Variants in CCDC77 observed in about 807,000 individuals in gnomAD.
CCDC77 encodes coiled-coil domain containing 77.
A neutral mutation model predicts 66.8 loss-of-function variants in CCDC77; 56 were observed. That is an observed-to-expected ratio of 0.84 (90% CI 0.68 to 1.05). The LOEUF (loss-of-function observed/expected upper bound fraction) is 1.05, where lower values mean the gene tolerates loss of function less well. Ranked by LOEUF, CCDC77 falls within the 50% of genes least tolerant of loss-of-function variation. The pLI is 0.00. For synonymous variants in CCDC77, 196 were observed against 195.2 expected (o/e 1.00, Z -0.03); for missense variants, 570 against 576.8 (o/e 0.99, Z 0.12).
intron 5 of CCDC77, among the ~76,000 whole-genome samples, chr12:425,254 C>G (rs1945506000): frequency 6.9e-6 from 1 of 144,956 alleles, no homozygotes; most frequent in Admixed American, 6.7e-5. Context: ...TTTTGGTGTC[C>G]CACGGTCAAG....
intron 5 of CCDC77, among the ~76,000 whole-genome samples, chr12:424,301 C>A (rs1945489380): frequency 6.6e-6 from 1 of 151,784 alleles, no homozygotes; most frequent in Non-Finnish European, 1.5e-5. Flanking sequence ...GGATATTAAA[C>A]CTTTGTTAGA....
intron 2 of CCDC77, among the ~76,000 whole-genome samples, chr12:407,996 C>T (rs1247163808): frequency 6.6e-6 from 1 of 151,956 alleles, no homozygotes; most frequent in African/African-American, 2.4e-5. Flanking sequence ...ACCGTGTTAG[C>T]CAGGATGGTC....
At chr12:411,498 A>G (rs1449343039) in intron 3 of CCDC77, among the ~76,000 whole-genome samples, 3 of 150,114 alleles carry the variant, frequency 2.0e-5, no homozygotes, top group African/African-American at 7.4e-5. Flanking sequence ...TTTTTTTTTA[A>G]ATAAAGACAG....
Position 424,919 on chromosome 12 carries a change from CT to C in CCDC77, c.414-3833del, listed in dbSNP as rs529763979. ...GAAGACTTAGCCACATGGTTTCTTTCTTTTTTTTTTTTTTTTTAATTTTTAT... is the reference window on the plus strand; with the variant it reads ...GAAGACTTAGCCACATGGTTTCTTTCTTTTTTTTTTTTTTTTAATTTTTAT... On this transcript the variant is annotated intron_variant, in intron 5 of 12. Transcript: ENST00000239830. Among the ~76,000 whole-genome samples, 511 of 129,330 alleles carry C rather than the reference CT, an allele frequency of 4.0e-3. 1 individual carries two copies. Among genetic ancestry groups the C allele is most frequent in the Middle Eastern group, 4.0e-3 (1 of 252 alleles). The allele number at this position is 129,330 out of a possible 152,430, so 84.8% of individuals were successfully genotyped here. A position where few individuals can be genotyped will look rare whatever the true frequency, so the allele number is the denominator to read the frequency against.
chr12:429,463 C>CTT (rs11385474), intron 6 of CCDC77, among the ~76,000 whole-genome samples: 87 of 143,000 alleles, frequency 6.1e-4, no homozygotes, highest in Middle Eastern at 3.7e-3. Flanking sequence ...CCAAGAGCTA[C>CTT]TTTTTTTTTT....
At chr12:409,796 C>A in intron 3 of CCDC77, 1 of 155,332 alleles carries the variant, frequency 6.4e-6, no homozygotes, top group East Asian at 1.8e-4. Flanking sequence ...GCGTTTGAGA[C>A]CAGCCTGGCC....
rs948831432 is a variant in CCDC77, at chr12:394,080, A to G, written c.-113+4594A>G. Among the ~76,000 whole-genome samples, 46 of 152,184 alleles carry G rather than the reference A, an allele frequency of 3.0e-4. 1 individual carries two copies. Among genetic ancestry groups the G allele is most frequent in the Non-Finnish European group, 5.9e-5 (4 of 68,012 alleles). ...ATTTTCACTTGAAAGCTCAAATTTT[A>G]TTATTGCCAACAAATACCATTAGTT... is the stretch of plus-strand genomic sequence containing the variant. On this transcript the variant is annotated intron_variant, in intron 1 of 11. Coordinates refer to the CCDC77 transcript ENST00000422000.
rs143660366 is a variant in CCDC77 at position 438,475 on chromosome 12, G to A, written c.962G>A (p.Cys321Tyr). The A allele has an allele frequency of 2.0e-5, 32 of 1,614,028 alleles. No homozygotes were observed. Among genetic ancestry groups the A allele is most frequent in the Non-Finnish European group, 2.5e-5 (29 of 1,179,904 alleles). ...MSKIKQYRVQ[C>Y]KKKEDKIGKV... is the part of the protein sequence containing the mutation. ...AAGATTAAGCAATATAGGGTGCAGT[G>A]TAAGAAGAAAGAAGATAAAATTGGA... The change falls in exon 10 of 13, where the codon TGT becomes TAT. Residue 321 changes from cysteine to tyrosine, a missense_variant. By Grantham distance (194) the Cys-to-Tyr change is radical (BLOSUM62 -2). Coordinates refer to ENST00000239830, the MANE Select transcript of CCDC77 (RefSeq NM_032358.4).
In CCDC77 at chr12:409,342, A is replaced by T. The variant is rs199703250; in HGVS notation, c.-16-26A>T. On this transcript the variant is annotated intron_variant, in intron 2 of 12. Coordinates refer to ENST00000239830, the MANE Select transcript of CCDC77 (RefSeq NM_032358.4). ...TTTATTTTTCTATTCGTGGCCCGTAATTATGAATTTTTGTGTATTTGATAG... is the reference window on the plus strand; with the variant it reads ...TTTATTTTTCTATTCGTGGCCCGTATTTATGAATTTTTGTGTATTTGATAG... 8.8e-5 allele frequency: 138 copies of T among 1,575,532 alleles called. No homozygotes were observed. The East Asian group carries it at 2.6e-3, about 30-fold the overall frequency.
intron 4 of CCDC77, among the ~76,000 whole-genome samples, chr12:417,484 T>C (rs1482308423): frequency 6.6e-6 from 1 of 152,194 alleles, no homozygotes; most frequent in African/African-American, 2.4e-5. Context: ...CATGCTTTCA[T>C]GAAGTAATTA....
At chr12:393,717 A>G (rs1396900274) in intron 1 of CCDC77, among the ~76,000 whole-genome samples, 2 of 152,114 alleles carry the variant, frequency 1.3e-5, no homozygotes, top group Non-Finnish European at 2.9e-5. Context: ...TTTTTAGTAG[A>G]GACGGAGTTT....
chr12:436,269 C>G (rs1380545274), intron 9 of CCDC77, among the ~76,000 whole-genome samples: 1 of 151,936 alleles, frequency 6.6e-6, no homozygotes, highest in Non-Finnish European at 1.5e-5. Context: ...AGGCGCCCAC[C>G]ACCACGCCCG....
At chr12:424,872 T>C (rs909916249) in intron 5 of CCDC77, among the ~76,000 whole-genome samples, 5 of 151,940 alleles carry the variant, frequency 3.3e-5, no homozygotes, top group African/African-American at 1.2e-4. Context: ...GGATGTCCAG[T>C]TTTCTCAACA....
intron 5 of CCDC77, among the ~76,000 whole-genome samples, chr12:422,805 G>T (rs930625893): frequency 3.9e-5 from 6 of 152,078 alleles, no homozygotes; most frequent in African/African-American, 1.4e-4. Context: ...GTAGAGACAG[G>T]GTTCTGCCAT....
At chr12:401,973 ACT>A (rs78018418) in intron 1 of CCDC77, among the ~76,000 whole-genome samples, 9,292 of 152,166 alleles carry the variant, frequency 0.061, 717 homozygotes, top group East Asian at 0.36. Context: ...GTTCCGGTGT[ACT>A]CTAACCCCAC....
At chr12:431,767 A>G (rs1945656083) in intron 7 of CCDC77, 99 bp from the exon 8 acceptor site, 1 of 713,914 alleles carries the variant, frequency 1.4e-6, no homozygotes, top group East Asian at 2.6e-5. Flanking sequence ...CTTACAGGTA[A>G]ATGAATCTGA....
chr12:440,600 G>T lies in CCDC77; in HGVS notation c.1042-17G>T, dbSNP rs1406451953. 6.2e-7 allele frequency: 1 copy of T among 1,608,960 alleles called. No individual in the cohort carries two copies. The highest frequency in any genetic ancestry group is 8.5e-7 in the Non-Finnish European group (1 of 1,178,496). Reference sequence around the variant, plus strand: ...GTAGAACTGAGTGTTAATGTTTTTTGTCCCTTTGACTTGTAGTCCCTAAAA... The same window carrying T: ...GTAGAACTGAGTGTTAATGTTTTTTTTCCCTTTGACTTGTAGTCCCTAAAA... On this transcript the variant is annotated splice_polypyrimidine_tract_variant and intron_variant, in intron 10 of 12. Coordinates refer to ENST00000239830, the MANE Select transcript of CCDC77 (RefSeq NM_032358.4).
chr12:413,557 A>G (rs1412026819), intron 4 of CCDC77, among the ~76,000 whole-genome samples: 1 of 148,082 alleles, frequency 6.8e-6, no homozygotes, highest in Non-Finnish European at 1.5e-5. Flanking sequence ...TACTCTTTTT[A>G]TATAAATGGC....
chr12:423,114 CTTTTTTTTTTT>C (rs139334337), intron 5 of CCDC77, among the ~76,000 whole-genome samples: 1 of 74,542 alleles, frequency 1.3e-5, no homozygotes, highest in Non-Finnish European at 2.3e-5. Context: ...TCTTTTAAGC[CTTTTTTTTTTT>C]TTTTTTTTTT....
Sources: allele counts gnomAD v4.1 joint callset (sites outside exome capture counted in the v4.1 genomes callset), GRCh38; gene constraint gnomAD v4.1.1; transcripts MANE v1.5; gene names NCBI Gene and HGNC (gene_info 2026-07-23, HGNC 2026-07-21).